The following TMEM132D variants were observed in gnomAD, a reference collection of about 807,000 sequenced individuals.
The protein encoded by TMEM132D is transmembrane protein 132D.
In TMEM132D, 21 loss-of-function variants were observed where a neutral mutation model predicts 62.3. The ratio of observed to expected loss-of-function variants is 0.34; its 90% confidence interval spans 0.24 to 0.49. The LOEUF (loss-of-function observed/expected upper bound fraction) is 0.49. Ranked by LOEUF, TMEM132D falls within the 20% of genes least tolerant of loss-of-function variation. The pLI is 0.99. For missense variants in TMEM132D, 1,346 were observed against 1,402.8 expected (o/e 0.96, Z 0.65); for synonymous variants, 621 against 575.6 (o/e 1.08, Z -1.13).
chr12:129,117,202 G>C (rs1004499251), intron 5 of TMEM132D, among the ~76,000 whole-genome samples: 3 of 151,830 alleles, frequency 2.0e-5, no homozygotes, highest in South Asian at 4.2e-4. Context: ...TATATATTCT[G>C]TATGACATTC....
intron 4 of TMEM132D, among the ~76,000 whole-genome samples, chr12:129,336,224 CAT>C (rs543120917): frequency 1.7e-4 from 26 of 152,304 alleles, no homozygotes; most frequent in Admixed American, 1.1e-3. Flanking sequence ...AATTGGTACA[CAT>C]GTCAAGGGGG....
intron 4 of TMEM132D, among the ~76,000 whole-genome samples, chr12:129,258,377 A>C (rs974213563): frequency 2.1e-4 from 32 of 152,192 alleles, no homozygotes; most frequent in Admixed American, 6.5e-5. Context: ...TTGTGGAATG[A>C]TACTATTCTT....
chr12:129,582,772 C>A (rs1223121747), intron 2 of TMEM132D, among the ~76,000 whole-genome samples: 2 of 152,048 alleles, frequency 1.3e-5, no homozygotes, highest in African/African-American at 4.8e-5. Context: ...GCACCCATCA[C>A]CATGCCTGGC....
chr12:129,292,916 T>C lies in TMEM132D; in HGVS notation c.1299+44718A>G, dbSNP rs574982503. Among the ~76,000 whole-genome samples the C allele has an allele frequency of 1.3e-4, 20 of 152,232 alleles. No homozygotes were observed. The South Asian group carries it at 3.9e-3, about 30-fold the overall frequency. ...GCCTACTAACAAGGGCTGCTCCACA[T>C]CCACAAGTTAGTCCTCAAACTAAAA... On this transcript the variant is annotated intron_variant, in intron 4 of 8. Transcript: ENST00000422113.
At chr12:129,223,568 A>G (rs1879404659) in intron 4 of TMEM132D, among the ~76,000 whole-genome samples, 1 of 152,174 alleles carries the variant, frequency 6.6e-6, no homozygotes, top group South Asian at 2.1e-4. Context: ...CATATGGCAG[A>G]ACATAATATA....
intron 1 of TMEM132D, among the ~76,000 whole-genome samples, chr12:129,810,288 T>G (rs563705522): frequency 6.6e-6 from 1 of 152,302 alleles, no homozygotes; most frequent in Non-Finnish European, 1.5e-5. Flanking sequence ...ATGAAATGAT[T>G]GTCCATATAT....
chr12:129,689,793 C>T (rs1881020772), intron 2 of TMEM132D, among the ~76,000 whole-genome samples: 1 of 152,112 alleles, frequency 6.6e-6, no homozygotes, highest in Admixed American at 6.5e-5. Context: ...GAAACACAGT[C>T]CTGGGAACTA....
intron 5 of TMEM132D, among the ~76,000 whole-genome samples, chr12:129,178,851 G>T (rs1370689628): frequency 6.6e-6 from 1 of 152,176 alleles, no homozygotes; most frequent in Non-Finnish European, 1.5e-5. Context: ...CCTGGGTTTG[G>T]CCAGGTGGCT....
intron 3 of TMEM132D, among the ~76,000 whole-genome samples, chr12:129,359,166 C>T (rs1870168898): frequency 6.6e-6 from 1 of 151,954 alleles, no homozygotes. Flanking sequence ...GTGAAATAAG[C>T]CAGACACATA....
At chr12:129,211,147 A>C (rs1193762754) in intron 4 of TMEM132D, 1 of 152,228 alleles carries the variant, frequency 6.6e-6, no homozygotes, top group African/African-American at 2.4e-5. Flanking sequence ...TACAACTTCC[A>C]AGTCCTAGCT....
At chr12:129,442,138 A>T (rs777348229) in intron 3 of TMEM132D, among the ~76,000 whole-genome samples, 15 of 152,318 alleles carry the variant, frequency 9.8e-5, no homozygotes, top group Middle Eastern at 3.4e-3. Flanking sequence ...TCTAAAACAA[A>T]AGTTGCAAAA....
intron 2 of TMEM132D, among the ~76,000 whole-genome samples, chr12:129,597,424 T>C (rs1462429988): frequency 6.6e-6 from 1 of 151,972 alleles, no homozygotes; most frequent in Admixed American, 6.5e-5. Context: ...CACCCCATAC[T>C]TACATCAAAC....
At chr12:129,319,565 A>T (rs1216691375) in intron 4 of TMEM132D, among the ~76,000 whole-genome samples, 3 of 152,216 alleles carry the variant, frequency 2.0e-5, no homozygotes, top group Non-Finnish European at 4.4e-5. Context: ...CAATAAATAG[A>T]TGATATTTAA....
chr12:129,615,258 T>G (rs1459044359), intron 2 of TMEM132D, among the ~76,000 whole-genome samples: 1 of 152,070 alleles, frequency 6.6e-6, no homozygotes, highest in African/African-American at 2.4e-5. Flanking sequence ...TTATTTCACC[T>G]CTAGGCAGAC....
chr12:129,330,518 A>T (rs1180678593), intron 4 of TMEM132D, among the ~76,000 whole-genome samples: 1 of 152,230 alleles, frequency 6.6e-6, no homozygotes, highest in Non-Finnish European at 1.5e-5. Flanking sequence ...ATGTGAATTA[A>T]TCCATTCATG....
At position 129,089,070 on chromosome 12, in the gene TMEM132D, T is replaced by C. The variant is rs370395259; in HGVS notation, c.1444-4368A>G. On this transcript the variant is annotated intron_variant, in intron 5 of 8. Transcript: ENST00000422113. The stretch of plus-strand genomic sequence containing the variant: ...TGTCCTCCATGACCGGGGTGTCCTC[T>C]ATGACCGGGATGTCCTCCATGACCG... Among the ~76,000 whole-genome samples the C allele has an allele frequency of 1.2e-3, 41 of 33,300 alleles. 12 individuals carry two copies. The East Asian group carries it at 0.027, about 22-fold the overall frequency. 21.8% of individuals were successfully genotyped at this position (33,300 alleles called of 152,430 possible).
intron 3 of TMEM132D, among the ~76,000 whole-genome samples, chr12:129,463,698 C>A (rs1873769161): frequency 6.7e-6 from 1 of 149,130 alleles, no homozygotes; most frequent in East Asian, 2.1e-4. Context: ...TTGTTCAATT[C>A]CCACCTATGA....
intron 4 of TMEM132D, among the ~76,000 whole-genome samples, chr12:129,260,752 G>C (rs1880529028): frequency 6.6e-6 from 1 of 152,106 alleles, no homozygotes; most frequent in African/African-American, 2.4e-5. Context: ...ACTTATAAGA[G>C]AGAACATATG....
At chr12:129,176,975 A>G (rs1226458951) in intron 5 of TMEM132D, among the ~76,000 whole-genome samples, 2 of 152,242 alleles carry the variant, frequency 1.3e-5, no homozygotes, top group Non-Finnish European at 2.9e-5. Context: ...GACTGCCCCC[A>G]GCCGTCTTGA....
Sources: allele counts gnomAD v4.1 joint callset (sites outside exome capture counted in the v4.1 genomes callset), GRCh38; gene constraint gnomAD v4.1.1; transcripts MANE v1.5; gene names NCBI Gene and HGNC (gene_info 2026-07-23, HGNC 2026-07-21).